GRAMD1C: variants seen among roughly 807,000 people sequenced by gnomAD.
The protein encoded by GRAMD1C is GRAM domain containing 1C.
GRAMD1C carries 89 observed loss-of-function variants against 97.8 expected under a neutral mutation model. That is an observed-to-expected ratio of 0.91 (90% CI 0.77 to 1.09). The LOEUF is 1.09. GRAMD1C is among the 50% of genes least tolerant of loss of function. GRAMD1C has a pLI of 0.00. For missense variants in GRAMD1C, 740 were observed against 766.4 expected, an observed-to-expected ratio of 0.97 and a Z score of 0.41; for synonymous variants, 256 against 267.0, an observed-to-expected ratio of 0.96 and a Z score of 0.40.
rs1433240153 is a variant in GRAMD1C at position 113,939,966 on chromosome 3, G to A, written c.1772G>A (p.Arg591His). The A allele has an allele frequency of 1.2e-5, 19 of 1,597,496 alleles. No homozygotes were observed. The highest frequency in any genetic ancestry group is 5.4e-5 in the African/African-American group (4 of 74,608). ...GAACATGCTGCTCAGTCCTTTTACC[G>A]TCTCCGCCTCCAAGAAGAGAAATCT... ...KIEHAAQSFY[R>H]LRLQEEKSLN... is the part of the protein sequence containing the mutation. Residue 591 changes from arginine (R) to histidine (H), a missense_variant, in exon 16 of 18, where the codon CGT (arginine) becomes CAT (histidine). Arg to His is a conservative substitution (Grantham distance 29). Coordinates refer to ENST00000358160, the MANE Select transcript of GRAMD1C (RefSeq NM_017577.5).
intron 2 of GRAMD1C, among the ~76,000 whole-genome samples, chr3:113,864,191 C>A (rs1263588428): frequency 6.6e-6 from 1 of 152,126 alleles, no homozygotes; most frequent in African/African-American, 2.4e-5. Context: ...TGGCTCACTG[C>A]AACCTCTGCC....
chr3:113,848,680 A>T (rs1577120775), intron 2 of GRAMD1C, among the ~76,000 whole-genome samples: 1 of 152,032 alleles, frequency 6.6e-6, no homozygotes, highest in South Asian at 2.1e-4. Context: ...GGTGGCTTGC[A>T]CCTGTAGTCC....
At chr3:113,904,056 T>C in intron 7 of GRAMD1C, 84 bp from the exon 8 acceptor site, 2 of 956,358 alleles carry the variant, frequency 2.1e-6, no homozygotes, top group Non-Finnish European at 3.2e-6. Context: ...TGTTTTATCA[T>C]AGGAAATGAC....
intron 1 of GRAMD1C, among the ~76,000 whole-genome samples, chr3:113,832,039 G>GT (rs113465428): frequency 0.061 from 9,135 of 149,502 alleles, 998 homozygotes; most frequent in African/African-American, 0.2. Context: ...CAGCAACTTT[G>GT]TTTTTTTTGA....
intron 6 of GRAMD1C, among the ~76,000 whole-genome samples, chr3:113,886,981 C>T (rs1376872840): frequency 2.0e-5 from 3 of 150,694 alleles, no homozygotes; most frequent in Non-Finnish European, 4.4e-5. Flanking sequence ...GGGGTTTCGC[C>T]ATGTTGGCCA....
intron 6 of GRAMD1C, 58 bp from the exon 7 acceptor site, chr3:113,900,973 A>G: frequency 1.1e-6 from 1 of 872,152 alleles, no homozygotes; most frequent in Middle Eastern, 2.5e-4. Context: ...GTTTTGAATC[A>G]CTGTGATATT....
chr3:113,838,559 G>C, upstream of GRAMD1C: 1 of 222,574 alleles, frequency 4.5e-6, no homozygotes, highest in East Asian at 8.8e-5. Context: ...TGAGGAATGA[G>C]AGCGAAACTC....
chr3:113,879,451 C>T (rs1935179271), intron 5 of GRAMD1C, among the ~76,000 whole-genome samples: 1 of 152,090 alleles, frequency 6.6e-6, no homozygotes, highest in Non-Finnish European at 1.5e-5. Flanking sequence ...CTGGTTCTGA[C>T]ATGTCATTGT....
chr3:113,829,560 A>C (rs1709531876), intron 1 of GRAMD1C, among the ~76,000 whole-genome samples: 1 of 152,088 alleles, frequency 6.6e-6, no homozygotes, highest in Non-Finnish European at 1.5e-5. Flanking sequence ...TTATTTATTG[A>C]GTTATAATAG....
At chr3:113,942,799 G>A (rs67311970) in intron 17 of GRAMD1C, among the ~76,000 whole-genome samples, 10,760 of 152,210 alleles carry the variant, frequency 0.071, 655 homozygotes, top group African/African-American at 0.17. Flanking sequence ...GTCAGATGCC[G>A]AAAGTTTCAT....
chr3:113,920,420 T>G (rs1936999746), intron 10 of GRAMD1C, among the ~76,000 whole-genome samples: 1 of 152,226 alleles, frequency 6.6e-6, no homozygotes, highest in Non-Finnish European at 1.5e-5. Flanking sequence ...ACACTGGAAC[T>G]TTCTTAAACT....
intron 11 of GRAMD1C, among the ~76,000 whole-genome samples, chr3:113,932,766 T>C (rs1937484787): frequency 6.6e-6 from 1 of 152,156 alleles, no homozygotes; most frequent in Admixed American, 6.5e-5. Flanking sequence ...AGTGTAGTGG[T>C]GCAGTCATAG....
chr3:113,835,936 T>C (rs367851856), upstream of GRAMD1C, among the ~76,000 whole-genome samples: 59 of 152,302 alleles, frequency 3.9e-4, no homozygotes, highest in East Asian at 5.4e-3. Flanking sequence ...TCTTATTAAG[T>C]AATTTGTCCT....
Position 113,871,017 on chromosome 3 carries a change from A to ACG in GRAMD1C, c.259+1427_259+1428insGC, listed in dbSNP as rs1454255992. Reference sequence around the variant, plus strand: ...CACACACACACACACACACACACACACACACAGAGGAATATTAAGTACTAA... The same window carrying ACG: ...CACACACACACACACACACACACACACGCACACAGAGGAATATTAAGTACTAA... On this transcript the variant is annotated intron_variant, in intron 3 of 17. Coordinates refer to ENST00000358160, the MANE Select transcript of GRAMD1C (RefSeq NM_017577.5). Among the ~76,000 whole-genome samples, 5 of 63,896 alleles carry ACG rather than the reference A, an allele frequency of 7.8e-5. 1 individual carries two copies. In the East Asian group the frequency reaches 2.3e-3, roughly 29 times the overall value. The allele number at this position is 63,896 out of a possible 152,430, so 41.9% of individuals were successfully genotyped here. A position where few individuals can be genotyped will look rare whatever the true frequency, so the allele number is the denominator to read the frequency against.
intron 5 of GRAMD1C, among the ~76,000 whole-genome samples, chr3:113,879,234 C>A (rs182127331): frequency 6.6e-6 from 1 of 151,452 alleles, no homozygotes; most frequent in Non-Finnish European, 1.5e-5. Context: ...ACAAACAAAC[C>A]GACTCTCTTT....
chr3:113,885,486 C>CCTGGTG, intron 6 of GRAMD1C: 1 of 1,605,544 alleles, frequency 6.2e-7, no homozygotes, highest in Non-Finnish European at 8.5e-7. Context: ...GGAGGAAGAT[C>CCTGGTG]CTGGTGCTGG....
chr3:113,895,091 C>T (rs150284357), intron 6 of GRAMD1C, among the ~76,000 whole-genome samples: 189 of 152,250 alleles, frequency 1.2e-3, no homozygotes, highest in African/African-American at 4.3e-3. Flanking sequence ...CAGAGGCAGA[C>T]TTTGATCAAT....
chr3:113,901,008 G>C (rs1210539726), intron 6 of GRAMD1C, 23 bp from the exon 7 acceptor site: 2 of 1,121,910 alleles, frequency 1.8e-6, no homozygotes, highest in Non-Finnish European at 2.7e-6. Context: ...CCAATGCTCA[G>C]TGTAATTTTT....
chr3:113,928,474 T>C (rs187057990), intron 10 of GRAMD1C, among the ~76,000 whole-genome samples: 1 of 152,198 alleles, frequency 6.6e-6, no homozygotes, highest in Non-Finnish European at 1.5e-5. Context: ...TATGGCAAAA[T>C]GTACATAAGA....
Sources: allele counts gnomAD v4.1 joint callset (sites outside exome capture counted in the v4.1 genomes callset), GRCh38; gene constraint gnomAD v4.1.1; transcripts MANE v1.5; gene names NCBI Gene and HGNC (gene_info 2026-07-23, HGNC 2026-07-21).